NCKAP5L: variants seen among roughly 807,000 people sequenced by gnomAD.
NCKAP5L encodes nck-associated protein 5-like.
Under a neutral mutation model 103.2 loss-of-function variants are expected in NCKAP5L, and 54 were observed. The observed-to-expected ratio is 0.52, with a 90% confidence interval of 0.42 to 0.66. The LOEUF (loss-of-function observed/expected upper bound fraction) is 0.66. Ranked by LOEUF, NCKAP5L falls within the 30% of genes least tolerant of loss-of-function variation. The pLI, the probability that NCKAP5L is intolerant of heterozygous loss-of-function variation, is 0.00. For synonymous variants in NCKAP5L, 762 were observed against 748.6 expected, an observed-to-expected ratio of 1.02 and a Z score of -0.29; for missense variants, 1,733 against 1,750.6, an observed-to-expected ratio of 0.99 and a Z score of 0.18.
intron 8 of NCKAP5L, among the ~76,000 whole-genome samples, chr12:49,794,194 G>A (rs1367117593): frequency 2.6e-5 from 4 of 152,126 alleles, no homozygotes; most frequent in Admixed American, 1.3e-4. Context: ...TGGCAGACCC[G>A]GTCACATCCT....
chr12:49,799,245 C>T (rs1946092331), intron 6 of NCKAP5L, among the ~76,000 whole-genome samples: 1 of 152,136 alleles, frequency 6.6e-6, no homozygotes, highest in African/African-American at 2.4e-5. Flanking sequence ...TTTCAATCTC[C>T]TGTGCACAAG....
chr12:49,799,613 G>T (rs564505461), intron 6 of NCKAP5L, among the ~76,000 whole-genome samples: 1 of 152,000 alleles, frequency 6.6e-6, no homozygotes, highest in African/African-American at 2.4e-5. Flanking sequence ...TACCGCGCTC[G>T]GCCTCATTTT....
intron 1 of NCKAP5L, among the ~76,000 whole-genome samples, chr12:49,813,774 C>T (rs577066120): frequency 2.0e-5 from 3 of 151,976 alleles, no homozygotes; most frequent in African/African-American, 4.8e-5. Context: ...GTGATCTGCC[C>T]GCCTCGGCCT....
chr12:49,806,531 G>A (rs545169844), intron 1 of NCKAP5L, among the ~76,000 whole-genome samples: 2 of 152,312 alleles, frequency 1.3e-5, no homozygotes, highest in East Asian at 1.9e-4. Flanking sequence ...TAGCACAGGC[G>A]CTTTCTTCCA....
intron 1 of NCKAP5L, among the ~76,000 whole-genome samples, chr12:49,806,889 TAG>T (rs1946186235): frequency 6.6e-6 from 1 of 152,220 alleles, no homozygotes; most frequent in African/African-American, 2.4e-5. Context: ...ATAATATATG[TAG>T]AGTGTCTGGC....
At chr12:49,802,719 A>G in intron 5 of NCKAP5L, 1 of 570,404 alleles carries the variant, frequency 1.8e-6, no homozygotes, top group Middle Eastern at 4.7e-4. Flanking sequence ...CAACCTGGAA[A>G]AGCCAGCTGG....
intron 9 of NCKAP5L, 25 bp downstream of exon 9, chr12:49,793,709 C>T (rs1209792558): frequency 6.5e-7 from 1 of 1,527,748 alleles, no homozygotes; most frequent in East Asian, 2.3e-5. Flanking sequence ...AGGCCGTCCA[C>T]CCAGTCCCTA....
intron 1 of NCKAP5L, among the ~76,000 whole-genome samples, chr12:49,819,671 G>A (rs922511324): frequency 6.6e-5 from 10 of 152,148 alleles, no homozygotes; most frequent in African/African-American, 2.4e-4. Context: ...GACCGGCCTG[G>A]GCAACATAGC....
chr12:49,803,818 G>T, intron 3 of NCKAP5L, 104 bp downstream of exon 3: 1 of 1,437,030 alleles, frequency 7.0e-7, no homozygotes, highest in Non-Finnish European at 9.3e-7. Flanking sequence ...CGAGAGGAAG[G>T]CCCATGGCAC....
Position 49,802,996 on chromosome 12 carries a change from C to G in NCKAP5L, c.193G>C (p.Val65Leu). 6.2e-7 allele frequency: 1 copy of G among 1,614,272 alleles called. No homozygotes were observed. Among genetic ancestry groups the G allele is most frequent in the Non-Finnish European group, 8.5e-7 (1 of 1,180,048 alleles). The change falls in exon 5 of 13, where the codon GTT becomes CTT. Residue 65 changes from valine to leucine, a missense_variant and splice_region_variant. Transcript: ENST00000335999. Reference sequence around the variant, plus strand: ...AACGCCTGTACCACATGGTTGGCAACCTGGGGACAGAAAGCCCCGAGGCAG... The same window carrying G: ...AACGCCTGTACCACATGGTTGGCAAGCTGGGGACAGAAAGCCCCGAGGCAG... ...RETYERCLDE[V>L]ANHVVQALLN...
chr12:49,796,418 G>C lies in NCKAP5L; in HGVS notation c.1442C>G (p.Pro481Arg). The change falls in exon 8 of 13, where the codon CCC becomes CGC. Residue 481 changes from proline to arginine, a missense_variant. Coordinates refer to ENST00000335999, the MANE Select transcript of NCKAP5L (RefSeq NM_001037806.4). ...PGGPQLSPQL[P>R]RNSRIPCRNS... ...CCGACAGGGGATTCGCGAGTTCCGG[G>C]GGAGCTGGGGACTGAGCTGCGGGCC... The C allele has an allele frequency of 1.3e-6, 2 of 1,565,540 alleles. No individual in the cohort carries two copies.
At position 49,792,051 on chromosome 12, in the gene NCKAP5L, CCT is replaced by C; in HGVS notation, c.3793-2_3793-1del. ...CTTCGCTTCCGGTCCACGGGCAGGG[CCT>C]GGGAAAGGAGGGGCAGCTCGGGAGG... On this transcript the variant is annotated splice_acceptor_variant, in intron 12 of 12. Transcript: ENST00000335999. LOFTEE classifies it high-confidence loss of function. This position sits in a 1 kb window ranked among gnomAD's most constrained non-coding sequence, Gnocchi z 4.5. The C allele has an allele frequency of 6.5e-7, 1 of 1,536,378 alleles. No homozygotes were observed. The highest frequency in any genetic ancestry group is 8.7e-7 in the Non-Finnish European group (1 of 1,145,684).
Position 49,794,027 on chromosome 12 carries a change from G to A in NCKAP5L, c.3096-131C>T, listed in dbSNP as rs187925581. 6.9e-4 allele frequency: 568 copies of A among 825,102 alleles called. 4 individuals are homozygous for A. In the African/African-American group the frequency reaches 8.5e-3, roughly 12 times the overall value. 51.1% of individuals were successfully genotyped at this position (825,102 alleles called of 1,614,324 possible). A position where few individuals can be genotyped will look rare whatever the true frequency, so the allele number is the denominator to read the frequency against. On this transcript the variant is annotated intron_variant, in intron 8 of 12. Coordinates refer to ENST00000335999, the MANE Select transcript of NCKAP5L (RefSeq NM_001037806.4). The stretch of plus-strand genomic sequence containing the variant: ...CCACCCCCGGGGAAGGGGACATGTC[G>A]CTAGTGATTGCTCCCAACACCCTTC...
chr12:49,795,300 C>T lies in NCKAP5L; in HGVS notation c.2560G>A (p.Gly854Ser). ...GGTGTGGACTGGGCCGTGGTACTAC[C>T]ACAGTCTGCCCAGGGAGGGCCCTTC... Reference protein sequence around the residue: ...KGKGPPWADCGSTTAQSTPLV... With the variant: ...KGKGPPWADCSSTTAQSTPLV... Residue 854 changes from glycine (G) to serine (S), a missense_variant, in exon 8 of 13, where the codon GGT becomes AGT. Gly to Ser is a moderately conservative substitution (Grantham distance 56). Coordinates refer to ENST00000335999, the MANE Select transcript of NCKAP5L (RefSeq NM_001037806.4). 6.5e-7 allele frequency: 1 copy of T among 1,529,220 alleles called. No individual in the cohort carries two copies. Among genetic ancestry groups the T allele is most frequent in the Non-Finnish European group, 8.8e-7 (1 of 1,141,030 alleles). 94.7% of individuals were successfully genotyped at this position (1,529,220 alleles called of 1,614,324 possible). A position where few individuals can be genotyped will look rare whatever the true frequency, so the allele number is the denominator to read the frequency against.
At chr12:49,816,581 C>T (rs11612227) in intron 1 of NCKAP5L, among the ~76,000 whole-genome samples, 38,935 of 148,770 alleles carry the variant, frequency 0.26, 5,700 homozygotes, top group South Asian at 0.38. Context: ...GGGTGGATTA[C>T]GAGGTCAGGA....
chr12:49,798,416 G>C lies in NCKAP5L; in HGVS notation c.399C>G (p.Pro133=), dbSNP rs370876283. ...CCGGTCCCTCAGTGGAGCTCAGGGA[G>C]GGGGAGGCTGGTGGCTCTGATGGTG... is the stretch of plus-strand genomic sequence containing the variant. ...LQPPSEPPAS[P]SLSSTEGPAA... is the part of the protein sequence containing the mutation. The change falls in exon 7 of 13, where the codon CCC becomes CCG. Residue 133 remains proline (P), a synonymous_variant. Transcript: ENST00000335999. The C allele has an allele frequency of 2.5e-6, 4 of 1,580,858 alleles. No individual in the cohort carries two copies. The highest frequency in any genetic ancestry group is 1.7e-4 in the Middle Eastern group (1 of 6,042).
chr12:49,823,701 A>G (rs1946385611), intron 1 of NCKAP5L, among the ~76,000 whole-genome samples: 1 of 152,062 alleles, frequency 6.6e-6, no homozygotes, highest in South Asian at 2.1e-4. Flanking sequence ...AAGGACCAGC[A>G]TAAGGTTCAC....
chr12:49,795,446 C>A lies in NCKAP5L; in HGVS notation c.2414G>T (p.Gly805Val). ...GCTGTGAGGGCTCTTATTGGGCTTG[C>A]CCAGGCTTGGGGCTGAGGTTGGCAC... ...AKVPTSAPSL[G>V]KPNKSPHSSP... The change falls in exon 8 of 13, where the codon GGC (glycine) becomes GTC (valine). Residue 805 changes from glycine (G) to valine (V), a missense_variant. Physicochemically the swap from Gly to Val is moderately radical, Grantham distance 109. Transcript: ENST00000335999. The A allele has an allele frequency of 6.4e-7, 1 of 1,574,180 alleles. No individual in the cohort carries two copies. The highest frequency in any genetic ancestry group is 8.6e-7 in the Non-Finnish European group (1 of 1,164,518).
intron 1 of NCKAP5L, among the ~76,000 whole-genome samples, chr12:49,824,800 C>T (rs192642180): frequency 3.7e-4 from 56 of 152,344 alleles, no homozygotes; most frequent in Admixed American, 8.5e-4. Context: ...TAGCCTCCAA[C>T]CCTCCAGGTC....
Sources: gnomAD v4.1 joint callset for allele counts (sites outside exome capture counted in the v4.1 genomes callset) on GRCh38, gnomAD v4.1.1 for gene constraint, Gnocchi (gnomAD v3.1) non-coding constraint, MANE v1.5 for transcripts, NCBI Gene and HGNC (gene_info 2026-07-23, HGNC 2026-07-21) for gene names.